The following APPL2 variants were observed in gnomAD, a reference collection of about 807,000 sequenced individuals.
APPL2 encodes adaptor protein, phosphotyrosine interacting with PH domain and leucine zipper 2, also known as DCC-interacting protein 13-beta.
A neutral mutation model predicts 92.7 loss-of-function variants in APPL2; 84 were observed. That is an observed-to-expected ratio of 0.91 (90% confidence interval 0.76 to 1.09). APPL2 has a LOEUF of 1.09. Ranked by LOEUF, APPL2 falls within the 50% of genes least tolerant of loss-of-function variation. APPL2 has a pLI of 0.00. For synonymous variants in APPL2, 291 were observed against 291.0 expected (o/e 1.00, Z 0.00); for missense variants, 736 against 824.5 (o/e 0.89, Z 1.31).
In APPL2 at chr12:105,174,574, C is replaced by T. The variant is rs950032297; in HGVS notation, c.1861-126G>A. 7.2e-6 allele frequency: 7 copies of T among 973,426 alleles called. No homozygotes were observed. In the Admixed American group the frequency reaches 1.3e-4, roughly 18 times the overall value. 60.3% of individuals were successfully genotyped at this position (973,426 alleles called of 1,614,324 possible). Reference sequence around the variant, plus strand: ...TCTCCTGACTCTTGTGTATATGTGCCTTCCGCTGAGTCTCCTTGCTTCTCA... The same window carrying T: ...TCTCCTGACTCTTGTGTATATGTGCTTTCCGCTGAGTCTCCTTGCTTCTCA... On this transcript the variant is annotated intron_variant, in intron 20 of 20. Transcript: ENST00000258530.
chr12:105,220,394 T>C (rs903292204), intron 2 of APPL2, among the ~76,000 whole-genome samples: 5 of 152,222 alleles, frequency 3.3e-5, no homozygotes, highest in African/African-American at 1.2e-4. Flanking sequence ...GATATAACTT[T>C]ATTTACAAAA....
rs754732060 is a variant in APPL2, at chr12:105,236,035, G to T, written c.-23C>A. On this transcript the variant is annotated 5_prime_UTR_variant, in exon 1 of 21. Coordinates refer to ENST00000258530, the MANE Select transcript of APPL2 (RefSeq NM_018171.5). ...CATGGTGCGGCGCGGCTCAGCCGAGGGCTGGGTTGGAAGGACAGAGGGCAG... is the reference window on the plus strand; with the variant it reads ...CATGGTGCGGCGCGGCTCAGCCGAGTGCTGGGTTGGAAGGACAGAGGGCAG... 3.2e-6 allele frequency: 4 copies of T among 1,239,556 alleles called. No individual in the cohort carries two copies. Among genetic ancestry groups the T allele is most frequent in the Non-Finnish European group, 4.1e-6 (4 of 984,680 alleles). 76.8% of individuals were successfully genotyped at this position (1,239,556 alleles called of 1,614,324 possible). A position where few individuals can be genotyped will look rare whatever the true frequency, so the allele number is the denominator to read the frequency against.
At chr12:105,199,568 TG>T in intron 9 of APPL2, 37 bp from the exon 10 acceptor site, 1 of 1,599,920 alleles carries the variant, frequency 6.3e-7, no homozygotes, top group Non-Finnish European at 8.5e-7. Context: ...TACTCACTGC[TG>T]GCCAACCCAG....
Position 105,174,258 on chromosome 12 carries a change from A to C in APPL2, c.*56T>G. 6.3e-7 allele frequency: 1 copy of C among 1,587,332 alleles called. No individual in the cohort carries two copies. Among genetic ancestry groups the C allele is most frequent in the South Asian group, 1.2e-5 (1 of 86,446 alleles). ...GTGCCTGTATGTCAGAGACGTTAAA[A>C]CCCTTAGGAGGTAGCTCTCCTTCCT... is the stretch of plus-strand genomic sequence containing the variant. On this transcript the variant is annotated 3_prime_UTR_variant, in exon 21 of 21. Coordinates refer to ENST00000258530, the MANE Select transcript of APPL2 (RefSeq NM_018171.5).
At chr12:105,230,929 G>A (rs1416894540) in intron 1 of APPL2, among the ~76,000 whole-genome samples, 1 of 152,132 alleles carries the variant, frequency 6.6e-6, no homozygotes, top group Non-Finnish European at 1.5e-5. Flanking sequence ...TTTGTACAGT[G>A]TATAATTTGT....
intron 17 of APPL2, among the ~76,000 whole-genome samples, chr12:105,183,643 T>C (rs1316690893): frequency 2.0e-5 from 3 of 152,200 alleles, no homozygotes; most frequent in Admixed American, 6.5e-5. Context: ...GTCTGATGGG[T>C]TTCCCTTTGT....
chr12:105,182,228 C>T (rs1183037327), intron 17 of APPL2, among the ~76,000 whole-genome samples: 4 of 152,198 alleles, frequency 2.6e-5, no homozygotes, highest in African/African-American at 9.7e-5. Context: ...AGGGTTTCAT[C>T]ATGTTGGCCA....
intron 17 of APPL2, among the ~76,000 whole-genome samples, chr12:105,183,934 T>C (rs184467879): frequency 6.6e-6 from 1 of 152,250 alleles, no homozygotes; most frequent in Non-Finnish European, 1.5e-5. Context: ...AGTCCCATAT[T>C]TCTTAGAGGC....
intron 17 of APPL2, chr12:105,177,599 T>G (rs2135883150): frequency 4.4e-6 from 1 of 229,048 alleles, no homozygotes; most frequent in Admixed American, 5.2e-5. Flanking sequence ...AGCCTCCCTC[T>G]CAACAAACAT....
At chr12:105,190,901 A>C (rs1476566345) in intron 14 of APPL2, among the ~76,000 whole-genome samples, 1 of 152,214 alleles carries the variant, frequency 6.6e-6, no homozygotes, top group African/African-American at 2.4e-5. Context: ...CTCCAGTCTC[A>C]GAATACTGTA....
Position 105,199,452 on chromosome 12 carries a change from A to T in APPL2, c.784T>A (p.Tyr262Asn). Residue 262 changes from tyrosine (Y) to asparagine (N), a missense_variant, in exon 10 of 21, where the codon TAC (tyrosine) becomes AAC (asparagine). Coordinates refer to ENST00000258530, the MANE Select transcript of APPL2 (RefSeq NM_018171.5). ...GCGGCCACATCAGAGTCTGGAGTGT[A>T]AACAGATTCATCAACAGAAAGTAAT... Reference protein sequence around the residue: ...QELLSVDESVYTPDSDVAAPQ... With the variant: ...QELLSVDESVNTPDSDVAAPQ... 1 of 1,614,174 alleles carries T rather than the reference A, an allele frequency of 6.2e-7. No homozygotes were observed. The highest frequency in any genetic ancestry group is 8.5e-7 in the Non-Finnish European group (1 of 1,180,026).
intron 19 of APPL2, 164 bp downstream of exon 19, chr12:105,176,712 G>T: frequency 2.4e-6 from 2 of 848,246 alleles, no homozygotes; most frequent in Non-Finnish European, 3.5e-6. Flanking sequence ...AATTTAAATC[G>T]AGTTTTCTTT....
chr12:105,212,681 AG>A (rs1328403272), intron 4 of APPL2, among the ~76,000 whole-genome samples: 1 of 152,226 alleles, frequency 6.6e-6, no homozygotes, highest in Non-Finnish European at 1.5e-5. Context: ...TGGGTGACTA[AG>A]GGGAAATCAC....
intron 8 of APPL2, among the ~76,000 whole-genome samples, chr12:105,205,879 A>C (rs1003995992): frequency 6.6e-6 from 1 of 152,238 alleles, no homozygotes; most frequent in Non-Finnish European, 1.5e-5. Flanking sequence ...ACAGCTCCCA[A>C]GATCTGCTGA....
intron 4 of APPL2, among the ~76,000 whole-genome samples, chr12:105,213,893 A>C (rs960263277): frequency 1.3e-5 from 2 of 152,218 alleles, no homozygotes; most frequent in Non-Finnish European, 2.9e-5. Context: ...TACCTGTAAC[A>C]ACCACACTTC....
rs536685102 is a variant in APPL2, at chr12:105,183,518, C to CTTTG, written c.1634+4754_1634+4755insCAAA. On this transcript the variant is annotated intron_variant, in intron 17 of 20. Transcript: ENST00000258530. The stretch of plus-strand genomic sequence containing the variant: ...TTTTATTTCTCCTTTGCTTATGAAG[C>CTTTG]TTAGTTTGGCTGGATATGAAATTCT... Among the ~76,000 whole-genome samples the CTTTG allele has an allele frequency of 3.2e-3, 486 of 152,208 alleles. 2 individuals are homozygous for CTTTG. Among genetic ancestry groups the CTTTG allele is most frequent in the African/African-American group, 0.011 (457 of 41,522 alleles).
At chr12:105,223,823 G>C (rs1475892193) in intron 2 of APPL2, among the ~76,000 whole-genome samples, 2 of 152,220 alleles carry the variant, frequency 1.3e-5, no homozygotes, top group East Asian at 3.8e-4. Context: ...TGTGAGCAGA[G>C]ACTGATCTTA....
At chr12:105,177,424 C>CAAA in intron 17 of APPL2, 162 bp from the exon 18 acceptor site, 1 of 688,540 alleles carries the variant, frequency 1.5e-6, no homozygotes, top group Non-Finnish European at 2.5e-6. Context: ...GTCCTGCTTT[C>CAAA]TGCCTTTAAG....
chr12:105,183,968 T>C (rs905277018), intron 17 of APPL2, among the ~76,000 whole-genome samples: 1 of 152,218 alleles, frequency 6.6e-6, no homozygotes, highest in East Asian at 1.9e-4. Context: ...TTTCATTCTT[T>C]TTTCTCTAAT....
Sources: allele counts gnomAD v4.1 joint callset (sites outside exome capture counted in the v4.1 genomes callset), GRCh38; gene constraint gnomAD v4.1.1; transcripts MANE v1.5; gene names NCBI Gene and HGNC (gene_info 2026-07-23, HGNC 2026-07-21).